PRDM10: variants seen among roughly 807,000 people sequenced by gnomAD.
PRDM10 encodes the protein PR domain zinc finger protein 10.
In PRDM10, 65 loss-of-function variants were observed where a neutral mutation model predicts 133.1. That is an observed-to-expected ratio of 0.49 (90% CI 0.40 to 0.60). The LOEUF (loss-of-function observed/expected upper bound fraction) is 0.60, where lower values mean the gene tolerates loss of function less well. Ranked by LOEUF, PRDM10 falls within the 20% of genes least tolerant of loss-of-function variation. PRDM10 has a pLI of 0.00. For missense variants in PRDM10, 1,137 were observed against 1,507.1 expected, an observed-to-expected ratio of 0.75 and a Z score of 4.07; for synonymous variants, 582 against 580.4, an observed-to-expected ratio of 1.00 and a Z score of -0.04.
chr11:129,984,434 T>C (rs995018030), intron 1 of PRDM10, among the ~76,000 whole-genome samples: 1 of 152,200 alleles, frequency 6.6e-6, no homozygotes, highest in Non-Finnish European at 1.5e-5. Context: ...CCACATGCAC[T>C]GAGACTCTGC....
chr11:129,994,896 G>A (rs1363935494), intron 1 of PRDM10, among the ~76,000 whole-genome samples: 3 of 151,984 alleles, frequency 2.0e-5, no homozygotes, highest in African/African-American at 4.8e-5. Context: ...CTCGTGATCC[G>A]CCTGCCTCGG....
In PRDM10 at chr11:129,937,659, G is replaced by A. The variant is rs141452900; in HGVS notation, c.978C>T (p.Ala326=). ...EPKQELKVWY[A]ASYAEFVNQK... is the part of the protein sequence containing the mutation. ...GGTTCACGAACTCAGCATAGGATGC[G>A]GCATACCACACCTGCAAGAAGCAAG... Residue 326 remains alanine, a synonymous_variant, in exon 8 of 21, where the codon GCC becomes GCT. Transcript: ENST00000360871. The A allele has an allele frequency of 3.6e-5, 58 of 1,612,886 alleles. No homozygotes were observed. Among genetic ancestry groups the A allele is most frequent in the South Asian group, 3.0e-4 (27 of 90,816 alleles).
At chr11:129,985,271 G>A (rs1478540329) in intron 1 of PRDM10, among the ~76,000 whole-genome samples, 1 of 152,168 alleles carries the variant, frequency 6.6e-6, no homozygotes, top group African/African-American at 2.4e-5. Context: ...GAAAGTGTGT[G>A]TGTGTGTGTA....
At chr11:129,972,671 A>C (rs1173701742) in intron 1 of PRDM10, among the ~76,000 whole-genome samples, 2 of 152,208 alleles carry the variant, frequency 1.3e-5, no homozygotes, top group Non-Finnish European at 2.9e-5. Flanking sequence ...AGGACTGATC[A>C]TGGAAAGGAT....
In PRDM10 at chr11:129,946,034, C is replaced by T. The variant is rs113598986; in HGVS notation, c.521-1022G>A. 3.9e-3 allele frequency among the ~76,000 whole-genome samples: 597 copies of T among 151,504 alleles called. 2 individuals carry two copies. The highest frequency in any genetic ancestry group is 0.014 in the African/African-American group (562 of 41,250). On this transcript the variant is annotated intron_variant, in intron 5 of 20. Transcript: ENST00000360871. ...GGCGGATCACTTGAGGTCAGGAGTT[C>T]GAGACCAGTCTCGCCAACATGGTGA...
chr11:130,002,026 G>A (rs1217465422), intron 1 of PRDM10, among the ~76,000 whole-genome samples: 2 of 151,654 alleles, frequency 1.3e-5, no homozygotes, highest in East Asian at 1.9e-4. Context: ...GATGGCAAGT[G>A]GGCGGCGCGG....
intron 1 of PRDM10, among the ~76,000 whole-genome samples, chr11:129,967,113 G>A (rs190264633): frequency 8.3e-4 from 127 of 152,264 alleles, no homozygotes; most frequent in African/African-American, 3.0e-3. Flanking sequence ...TTGTGAAGCC[G>A]GGCGCGGTGG....
At chr11:129,906,015 T>C (rs1223398295) in intron 19 of PRDM10, among the ~76,000 whole-genome samples, 1 of 152,222 alleles carries the variant, frequency 6.6e-6, no homozygotes, top group Non-Finnish European at 1.5e-5. Flanking sequence ...TTTTAAAACC[T>C]TGAAATACGT....
intron 6 of PRDM10, 48 bp from the exon 7 acceptor site, chr11:129,942,677 T>C: frequency 6.8e-7 from 1 of 1,475,160 alleles, no homozygotes; most frequent in African/African-American, 1.4e-5. Context: ...ACCTTCAATA[T>C]GAGACACATT....
intron 17 of PRDM10, 99 bp from the exon 18 acceptor site, chr11:129,912,324 G>A (rs899991124): frequency 2.0e-5 from 26 of 1,281,664 alleles, no homozygotes; most frequent in Non-Finnish European, 2.4e-5. Flanking sequence ...CAATATCCTG[G>A]CCGGGTGCAG....
In PRDM10 at chr11:129,900,103, A is replaced by T. The variant is rs1949804187; in HGVS notation, c.*2210T>A. On this transcript the variant is annotated 3_prime_UTR_variant, in exon 21 of 21. Coordinates refer to ENST00000360871, the MANE Select transcript of PRDM10 (RefSeq NM_199437.2). ...GGACTGAATGAAGTCTACAGTGTCA[A>T]TGTGTCTTGAGAGAGGCCACAATAT... 1 of 152,542 alleles carries T rather than the reference A, an allele frequency of 6.6e-6. No homozygotes were observed. Among genetic ancestry groups the T allele is most frequent in the South Asian group, 2.1e-4 (1 of 4,826 alleles). 9.4% of individuals were successfully genotyped at this position (152,542 alleles called of 1,614,324 possible).
intron 12 of PRDM10, among the ~76,000 whole-genome samples, chr11:129,924,068 A>G (rs916310245): frequency 6.6e-6 from 1 of 152,234 alleles, no homozygotes; most frequent in Non-Finnish European, 1.5e-5. Flanking sequence ...AATGAGAAAG[A>G]GCTGAGGATG....
At chr11:129,997,817 T>C (rs901554389) in intron 1 of PRDM10, among the ~76,000 whole-genome samples, 2 of 152,208 alleles carry the variant, frequency 1.3e-5, no homozygotes, top group Non-Finnish European at 2.9e-5. Context: ...AACTCAATTA[T>C]CTGGAAGTGG....
intron 7 of PRDM10, among the ~76,000 whole-genome samples, chr11:129,941,535 A>G (rs1951204980): frequency 6.6e-6 from 1 of 152,174 alleles, no homozygotes; most frequent in South Asian, 2.1e-4. Flanking sequence ...GACATCTTTA[A>G]TCACTCCGTC....
At chr11:129,915,053 T>C (rs1950313837) in intron 16 of PRDM10, 35 bp from the exon 17 acceptor site, 1 of 1,540,082 alleles carries the variant, frequency 6.5e-7, no homozygotes, top group East Asian at 2.3e-5. Context: ...GAATAATTAT[T>C]AGAATTTGTG....
intron 1 of PRDM10, among the ~76,000 whole-genome samples, chr11:130,000,711 G>A (rs1939308656): frequency 6.6e-6 from 1 of 152,200 alleles, no homozygotes; most frequent in South Asian, 2.1e-4. Context: ...CAAGACATTT[G>A]TCTTGATCCA....
chr11:130,001,657 C>G (rs1349383021), intron 1 of PRDM10, among the ~76,000 whole-genome samples: 1 of 152,234 alleles, frequency 6.6e-6, no homozygotes, highest in Non-Finnish European at 1.5e-5. Flanking sequence ...AATTCAACAG[C>G]GCTGCGTTCG....
chr11:129,963,743 C>A (rs1215074264), intron 1 of PRDM10, among the ~76,000 whole-genome samples: 1 of 152,132 alleles, frequency 6.6e-6, no homozygotes, highest in African/African-American at 2.4e-5. Flanking sequence ...TTTCTTATAA[C>A]CACAGTACTA....
At chr11:129,925,569 T>C (rs554546204) in intron 11 of PRDM10, among the ~76,000 whole-genome samples, 2 of 152,112 alleles carry the variant, frequency 1.3e-5, no homozygotes, top group South Asian at 2.1e-4. Flanking sequence ...AGGATAAAAA[T>C]GGAAGATTTG....
Sources: gnomAD v4.1 joint callset for allele counts (sites outside exome capture counted in the v4.1 genomes callset) on GRCh38, gnomAD v4.1.1 for gene constraint, MANE v1.5 for transcripts, NCBI Gene and HGNC (gene_info 2026-07-23, HGNC 2026-07-21) for gene names.